The following UMAD1 variants were observed in gnomAD, a reference collection of about 807,000 sequenced individuals.
The protein encoded by UMAD1 is UBAP1-MVB12-associated (UMA) domain containing 1, also known as UBAP1-MVB12-associated (UMA)-domain containing protein 1.
In UMAD1, 8 loss-of-function variants were observed where a neutral mutation model predicts 6.1. The ratio of observed to expected loss-of-function variants is 1.30; its 90% confidence interval spans 0.76 to 2.35. The LOEUF (loss-of-function observed/expected upper bound fraction) is 2.35. Ranked by LOEUF, UMAD1 falls within the 30% of genes most tolerant of loss-of-function variation. The probability of loss-of-function intolerance (pLI) is 0.00; values close to 1 mark genes in which losing one functional copy is unlikely to be tolerated. For synonymous variants in UMAD1, 56 were observed against 31.4 expected (o/e 1.78, Z -2.61); for missense variants, 130 against 78.4 (o/e 1.66, Z -2.49).
intron 1 of UMAD1, among the ~76,000 whole-genome samples, chr7:7,667,990 C>T (rs1329564998): frequency 1.3e-5 from 2 of 152,140 alleles, no homozygotes; most frequent in East Asian, 1.9e-4. Flanking sequence ...TGCAGTGGCT[C>T]ACTTTCACCC....
chr7:7,801,881 A>G, intron 3 of UMAD1, 138 bp downstream of exon 3: 1 of 620,944 alleles, frequency 1.6e-6, no homozygotes. Flanking sequence ...TGGTCTGCTG[A>G]AAGTCAGTGG....
At chr7:7,666,235 G>T (rs1393203057) in intron 1 of UMAD1, among the ~76,000 whole-genome samples, 1 of 151,892 alleles carries the variant, frequency 6.6e-6, no homozygotes, top group African/African-American at 2.4e-5. Context: ...GGGTCTCATA[G>T]CCCTGTCACC....
chr7:7,764,406 G>A (rs879287585), intron 2 of UMAD1, among the ~76,000 whole-genome samples: 14 of 152,116 alleles, frequency 9.2e-5, no homozygotes, highest in Non-Finnish European at 1.6e-4. Context: ...TCTTTGCTTC[G>A]GTTAAGTAGT....
chr7:7,670,752 G>C (rs1240562231), intron 1 of UMAD1, among the ~76,000 whole-genome samples: 1 of 152,108 alleles, frequency 6.6e-6, no homozygotes, highest in Non-Finnish European at 1.5e-5. Flanking sequence ...TTACACCCTG[G>C]TGGAACTGGT....
chr7:7,818,823 G>A (rs1783182102), intron 3 of UMAD1, among the ~76,000 whole-genome samples: 1 of 152,152 alleles, frequency 6.6e-6, no homozygotes, highest in African/African-American at 2.4e-5. Context: ...TTTTTGTAGA[G>A]ACAGGGTTTT....
At chr7:7,870,157 T>C (rs1393103787) in intron 3 of UMAD1, among the ~76,000 whole-genome samples, 1 of 152,224 alleles carries the variant, frequency 6.6e-6, no homozygotes, top group Non-Finnish European at 1.5e-5. Flanking sequence ...TACAAACATA[T>C]GAAAACAGCT....
chr7:7,787,885 G>A (rs1276058924), intron 2 of UMAD1, among the ~76,000 whole-genome samples: 3 of 152,158 alleles, frequency 2.0e-5, no homozygotes, highest in African/African-American at 7.2e-5. Context: ...AGGTCAAAGT[G>A]CTATTAATAA....
intron 2 of UMAD1, chr7:7,715,185 T>G (rs143053501): frequency 1.3e-5 from 2 of 152,324 alleles, no homozygotes; most frequent in South Asian, 4.1e-4. Context: ...CTGAAACTAT[T>G]GTATTCCCTG....
chr7:7,695,272 A>G (rs1780282265), intron 2 of UMAD1, among the ~76,000 whole-genome samples: 1 of 152,162 alleles, frequency 6.6e-6, no homozygotes, highest in African/African-American at 2.4e-5. Flanking sequence ...ACTTGCTGTC[A>G]ACATTTTCCC....
At chr7:7,751,273 G>T (rs1047612144) in intron 2 of UMAD1, among the ~76,000 whole-genome samples, 14 of 152,154 alleles carry the variant, frequency 9.2e-5, no homozygotes, top group Admixed American at 5.9e-4. Flanking sequence ...TTTAATGAAT[G>T]TGTGGGGCAA....
At chr7:7,665,072 C>G (rs532035622) in intron 1 of UMAD1, among the ~76,000 whole-genome samples, 2 of 152,114 alleles carry the variant, frequency 1.3e-5, no homozygotes, top group Non-Finnish European at 2.9e-5. Flanking sequence ...TAGACAGTAG[C>G]TGCATCAATC....
chr7:7,716,997 A>T (rs1185232439), intron 2 of UMAD1, among the ~76,000 whole-genome samples: 5 of 150,648 alleles, frequency 3.3e-5, no homozygotes, highest in Non-Finnish European at 3.0e-5. Flanking sequence ...CCCGTTCGGG[A>T]CCCCTTCCTC....
chr7:7,671,922 T>C (rs1172033882), intron 1 of UMAD1, among the ~76,000 whole-genome samples: 1 of 152,208 alleles, frequency 6.6e-6, no homozygotes, highest in Non-Finnish European at 1.5e-5. Context: ...GTTTTTCTTC[T>C]CCATTTTGAA....
intron 3 of UMAD1, among the ~76,000 whole-genome samples, chr7:7,808,790 A>G (rs1026992137): frequency 2.0e-4 from 30 of 152,034 alleles, no homozygotes; most frequent in Non-Finnish European, 4.0e-4. Flanking sequence ...CCACAAAACC[A>G]TAATTCCATT....
At chr7:7,706,950 T>G (rs1208687907) in intron 2 of UMAD1, among the ~76,000 whole-genome samples, 1 of 152,190 alleles carries the variant, frequency 6.6e-6, no homozygotes, top group African/African-American at 2.4e-5. Context: ...AGCAAATCTT[T>G]CCTAATGCCA....
intron 1 of UMAD1, among the ~76,000 whole-genome samples, chr7:7,660,515 A>C (rs1432207711): frequency 1.3e-5 from 2 of 152,182 alleles, no homozygotes; most frequent in Non-Finnish European, 2.9e-5. Context: ...AAAATCTCTC[A>C]GCATTTGCTT....
In UMAD1 at chr7:7,784,810, G is replaced by A. The variant is rs556292139; in HGVS notation, c.83-16860G>A. ...GGAGTCTTGCTGTGTCGCCCAGGCTGGAGTGCAGTGGCGCGATCTCGGCTC... is the reference window on the plus strand; with the variant it reads ...GGAGTCTTGCTGTGTCGCCCAGGCTAGAGTGCAGTGGCGCGATCTCGGCTC... On this transcript the variant is annotated intron_variant, in intron 2 of 3. Transcript: ENST00000682710. Among the ~76,000 whole-genome samples, 3 of 134,648 alleles carry A rather than the reference G, an allele frequency of 2.2e-5. No homozygotes were observed. The East Asian group carries it at 6.4e-4, about 29-fold the overall frequency. The allele number at this position is 134,648 out of a possible 152,430, so 88.3% of individuals were successfully genotyped here.
intron 2 of UMAD1, among the ~76,000 whole-genome samples, chr7:7,747,860 A>C (rs1454639154): frequency 1.3e-5 from 2 of 152,228 alleles, no homozygotes; most frequent in Admixed American, 1.3e-4. Flanking sequence ...AATGTATAGA[A>C]ATTAAATCTA....
chr7:7,644,355 T>TTA (rs1785047915), intron 1 of UMAD1, among the ~76,000 whole-genome samples: 1 of 67,634 alleles, frequency 1.5e-5, no homozygotes, highest in African/African-American at 1.2e-4. Context: ...CATTCCATCC[T>TTA]TTTTTTTTTT....
Sources: gnomAD v4.1 joint callset for allele counts (sites outside exome capture counted in the v4.1 genomes callset) on GRCh38, gnomAD v4.1.1 for gene constraint, MANE v1.5 for transcripts, NCBI Gene and HGNC (gene_info 2026-07-23, HGNC 2026-07-21) for gene names.